MYO16: variants seen among roughly 807,000 people sequenced by gnomAD.
MYO16 encodes myosin XVI.
A neutral mutation model predicts 205.3 loss-of-function variants in MYO16; 94 were observed. That is an observed-to-expected ratio of 0.46 (90% CI 0.39 to 0.54). MYO16 has a LOEUF of 0.54. MYO16 is among the 20% of genes least tolerant of loss of function. MYO16 has a pLI of 0.00. For missense variants in MYO16, 2,315 were observed against 2,387.5 expected, an observed-to-expected ratio of 0.97 and a Z score of 0.63; for synonymous variants, 988 against 954.0, an observed-to-expected ratio of 1.04 and a Z score of -0.66.
chr13:109,193,844 T>G (rs148984465), intron 34 of MYO16, among the ~76,000 whole-genome samples: 19 of 152,306 alleles, frequency 1.2e-4, no homozygotes, highest in Non-Finnish European at 2.5e-4. Context: ...AGAGCTTTTC[T>G]CTCTCTTGGT....
chr13:109,085,221 G>A (rs1265380777), intron 27 of MYO16, among the ~76,000 whole-genome samples: 2 of 152,150 alleles, frequency 1.3e-5, no homozygotes, highest in Non-Finnish European at 2.9e-5. Context: ...GTCACTGCAG[G>A]ATAGTAAGCA....
At chr13:109,123,325 G>A (rs1427054220) in intron 29 of MYO16, among the ~76,000 whole-genome samples, 1 of 152,238 alleles carries the variant, frequency 6.6e-6, no homozygotes, top group Non-Finnish European at 1.5e-5. Flanking sequence ...GTGAATAGCT[G>A]TGCTGTAGTG....
rs116147541 is a variant in MYO16 at position 109,125,307 on chromosome 13, A to G, written c.3731A>G (p.Tyr1244Cys). The G allele has an allele frequency of 2.1e-4, 347 of 1,614,168 alleles. 1 individual carries two copies. In the African/African-American group the frequency reaches 4.2e-3, roughly 20 times the overall value. The change falls in exon 30 of 35, where the codon TAC (tyrosine) becomes TGC (cysteine). Residue 1244 changes from tyrosine to cysteine, a missense_variant. Around this residue, in one of 3 missense-constraint regions of MYO16, gnomAD observed 1,097 missense variants for 1,092.0 expected, o/e 1.00. Transcript: ENST00000457511. The surrounding 1 kb of genome is among the most constrained non-coding windows in gnomAD (Gnocchi z 4.0). The stretch of plus-strand genomic sequence containing the variant: ...CTCCGTAGTGAAATGAACGCTCCCT[A>G]CCATAAAGAGAAGTTAGAGGTCAGG... ...DRLRSEMNAP[Y>C]HKEKLEVRNM... is the part of the protein sequence containing the mutation.
At chr13:108,864,225 G>C (rs1239436236) in intron 11 of MYO16, among the ~76,000 whole-genome samples, 1 of 151,940 alleles carries the variant, frequency 6.6e-6, no homozygotes, top group Admixed American at 6.6e-5. Flanking sequence ...CCTTGAAGTT[G>C]ATACTTAGAT....
At chr13:109,204,118 T>C (rs1213826101) in intron 34 of MYO16, among the ~76,000 whole-genome samples, 2 of 152,270 alleles carry the variant, frequency 1.3e-5, no homozygotes, top group Non-Finnish European at 2.9e-5. Flanking sequence ...AATTTCCTGA[T>C]GTTTTAGAAA....
rs576677534 is a variant in MYO16 at position 109,044,260 on chromosome 13, G to A, written c.2797-2656G>A. 2.0e-5 allele frequency among the ~76,000 whole-genome samples: 3 copies of A among 152,274 alleles called. No individual in the cohort carries two copies. The South Asian group carries it at 6.2e-4, about 32-fold the overall frequency. The stretch of plus-strand genomic sequence containing the variant: ...GGCCGTTGCTTTAGAAACTATGGAT[G>A]AATTGAAGGAGGGGAGATGCCAGTG... On this transcript the variant is annotated intron_variant, in intron 23 of 34. Transcript: ENST00000457511.
intron 16 of MYO16, among the ~76,000 whole-genome samples, chr13:108,937,877 A>G (rs1441596337): frequency 6.6e-6 from 1 of 152,064 alleles, no homozygotes; most frequent in Non-Finnish European, 1.5e-5. Context: ...TTTACCTGTC[A>G]TTTCTGACTT....
At chr13:109,054,247 C>A in intron 25 of MYO16, 1 of 286,600 alleles carries the variant, frequency 3.5e-6, no homozygotes, top group Non-Finnish European at 7.1e-6. Flanking sequence ...TTTTTCTTTT[C>A]AGGGCTGCAC....
At chr13:109,098,612 A>G (rs1888853947) in intron 27 of MYO16, among the ~76,000 whole-genome samples, 1 of 152,162 alleles carries the variant, frequency 6.6e-6, no homozygotes. Flanking sequence ...TTTTCCGTGC[A>G]TCTCATCGAT....
the MYO16 span, among the ~76,000 whole-genome samples, chr13:108,570,324 C>A: frequency 6.6e-6 from 1 of 152,086 alleles, no homozygotes; most frequent in Non-Finnish European, 1.5e-5. Context: ...TCATAGCTCA[C>A]TGCAGACTCA....
intron 16 of MYO16, among the ~76,000 whole-genome samples, chr13:108,915,746 G>A (rs1881470402): frequency 6.6e-6 from 1 of 152,176 alleles, no homozygotes; most frequent in African/African-American, 2.4e-5. Flanking sequence ...ATTAATGGTG[G>A]AAATGATTGT....
chr13:109,158,979 C>G (rs771871896), intron 32 of MYO16, among the ~76,000 whole-genome samples: 9 of 152,160 alleles, frequency 5.9e-5, no homozygotes, highest in Non-Finnish European at 1.3e-4. Flanking sequence ...GAGTCACACT[C>G]AGCACAGCCA....
the MYO16 span, among the ~76,000 whole-genome samples, chr13:108,574,464 A>G: frequency 1.3e-5 from 2 of 152,182 alleles, no homozygotes; most frequent in African/African-American, 2.4e-5. Flanking sequence ...AATAAACTTT[A>G]TCTCTCATAG....
At chr13:109,022,801 T>C (rs1293084279) in intron 23 of MYO16, among the ~76,000 whole-genome samples, 1 of 135,256 alleles carries the variant, frequency 7.4e-6, no homozygotes, top group Non-Finnish European at 1.5e-5. Flanking sequence ...TAAACATATG[T>C]ATATATTTAT....
chr13:108,866,753 T>C (rs1878735901), intron 12 of MYO16, among the ~76,000 whole-genome samples: 1 of 152,186 alleles, frequency 6.6e-6, no homozygotes, highest in Admixed American at 6.5e-5. Context: ...AGTATGATTT[T>C]TGAGTAGAAA....
intron 33 of MYO16, among the ~76,000 whole-genome samples, chr13:109,175,395 C>T (rs961599767): frequency 3.9e-5 from 6 of 152,226 alleles, no homozygotes; most frequent in African/African-American, 1.4e-4. Context: ...GGAGTGTCCA[C>T]AGCATATCCA....
intron 34 of MYO16, among the ~76,000 whole-genome samples, chr13:109,203,040 A>C (rs185198829): frequency 6.6e-6 from 1 of 152,334 alleles, no homozygotes; most frequent in East Asian, 1.9e-4. Flanking sequence ...TTATTCAAAA[A>C]TCAACTCCAG....
chr13:109,131,676 C>T (rs1023911043), intron 31 of MYO16, among the ~76,000 whole-genome samples: 2 of 152,070 alleles, frequency 1.3e-5, no homozygotes, highest in Non-Finnish European at 2.9e-5. Flanking sequence ...TGGTTTTTGC[C>T]ATTGAATAAA....
At chr13:109,164,690 T>A (rs1878556181) in intron 32 of MYO16, among the ~76,000 whole-genome samples, 1 of 152,240 alleles carries the variant, frequency 6.6e-6, no homozygotes, top group Non-Finnish European at 1.5e-5. Context: ...AACAAATTAT[T>A]GTTACCACTT....
Sources: gnomAD v4.1 joint callset for allele counts (sites outside exome capture counted in the v4.1 genomes callset) on GRCh38, gnomAD v4.1.1 for gene constraint, gnomAD v4.1.1 regional missense constraint, Gnocchi (gnomAD v3.1) non-coding constraint, MANE v1.5 for transcripts, NCBI Gene and HGNC (gene_info 2026-07-23, HGNC 2026-07-21) for gene names.